The following MAGI2 variants were observed in gnomAD, a reference collection of about 807,000 sequenced individuals.
MAGI2 encodes the protein membrane associated guanylate kinase, WW and PDZ domain containing 2, also known as membrane-associated guanylate kinase, WW and PDZ domain-containing protein 2.
MAGI2 carries 35 observed loss-of-function variants against 133.3 expected under a neutral mutation model. That is an observed-to-expected ratio of 0.26 (90% CI 0.20 to 0.35). The LOEUF (loss-of-function observed/expected upper bound fraction) is 0.35. Ranked by LOEUF, MAGI2 falls within the 10% of genes least tolerant of loss-of-function variation. The pLI, the probability that MAGI2 is intolerant of heterozygous loss-of-function variation, is 1.00. For missense variants in MAGI2, 1,636 were observed against 1,863.4 expected (o/e 0.88, Z 2.25); for synonymous variants, 729 against 710.6 (o/e 1.03, Z -0.41).
intron 1 of MAGI2, among the ~76,000 whole-genome samples, chr7:79,262,691 T>C (rs1444580932): frequency 1.3e-5 from 2 of 152,214 alleles, no homozygotes; most frequent in Non-Finnish European, 2.9e-5. Flanking sequence ...AGGATATGAC[T>C]GACCTCACTG....
intron 1 of MAGI2, among the ~76,000 whole-genome samples, chr7:79,362,649 A>C (rs1842439100): frequency 6.6e-6 from 1 of 152,062 alleles, no homozygotes; most frequent in Non-Finnish European, 1.5e-5. Context: ...GGAATCAATT[A>C]AGGTAATCTA....
At chr7:79,447,968 CT>C (rs1295392357) in intron 1 of MAGI2, among the ~76,000 whole-genome samples, 1 of 151,806 alleles carries the variant, frequency 6.6e-6, no homozygotes, top group African/African-American at 2.4e-5. Context: ...ATGATACTTA[CT>C]CTTAACTACA....
At chr7:78,986,568 T>C (rs532386216) in intron 2 of MAGI2, among the ~76,000 whole-genome samples, 28 of 152,008 alleles carry the variant, frequency 1.8e-4, no homozygotes, top group Admixed American at 8.5e-4. Flanking sequence ...ATGAGCAAAG[T>C]AGAGGTGCAG....
chr7:78,925,301 C>T (rs1011665012), intron 2 of MAGI2, among the ~76,000 whole-genome samples: 3 of 151,944 alleles, frequency 2.0e-5, no homozygotes, highest in African/African-American at 4.8e-5. Context: ...TGATTTCTGC[C>T]TACCAGATAT....
At chr7:79,146,319 C>T (rs1822612916) in intron 1 of MAGI2, among the ~76,000 whole-genome samples, 1 of 152,146 alleles carries the variant, frequency 6.6e-6, no homozygotes, top group Admixed American at 6.5e-5. Context: ...TTGTTTGTCT[C>T]TTGCTGTTCT....
chr7:78,276,116 A>G (rs1397848794), intron 9 of MAGI2, among the ~76,000 whole-genome samples: 1 of 152,200 alleles, frequency 6.6e-6, no homozygotes, highest in Admixed American at 6.5e-5. Flanking sequence ...TAGTCAATGA[A>G]TAATATAAAA....
intron 4 of MAGI2, among the ~76,000 whole-genome samples, chr7:78,515,666 C>T (rs62468565): frequency 0.021 from 3,220 of 151,934 alleles, 57 homozygotes; most frequent in Middle Eastern, 0.065. Context: ...TTTGGGAGGC[C>T]GAGGCGGGTG....
intron 1 of MAGI2, among the ~76,000 whole-genome samples, chr7:79,310,756 A>C: frequency 6.6e-6 from 1 of 152,114 alleles, no homozygotes. Context: ...AAAATTTATC[A>C]CTATGAGCAA....
intron 2 of MAGI2, among the ~76,000 whole-genome samples, chr7:78,633,984 A>G (rs1455378133): frequency 6.6e-6 from 1 of 152,228 alleles, no homozygotes; most frequent in Non-Finnish European, 1.5e-5. Context: ...TAAGAAAACT[A>G]CAATTTCACA....
intron 1 of MAGI2, among the ~76,000 whole-genome samples, chr7:79,161,451 A>G (rs1824348068): frequency 6.6e-6 from 1 of 152,116 alleles, no homozygotes; most frequent in Admixed American, 6.6e-5. Flanking sequence ...TGGGGCATTT[A>G]CTGCCTTGTG....
chr7:78,973,924 G>A (rs1804009997), intron 2 of MAGI2, among the ~76,000 whole-genome samples: 2 of 151,684 alleles, frequency 1.3e-5, no homozygotes, highest in Non-Finnish European at 2.9e-5. Flanking sequence ...GGAGTGTGTT[G>A]CTGCGTTTGG....
intron 2 of MAGI2, among the ~76,000 whole-genome samples, chr7:78,701,431 T>A (rs1379303287): frequency 1.3e-5 from 2 of 151,966 alleles, no homozygotes; most frequent in Non-Finnish European, 2.9e-5. Flanking sequence ...TAAGGTAGAG[T>A]ACATGTGGGA....
At chr7:78,026,529 T>C (rs1422746454) in intron 21 of MAGI2, among the ~76,000 whole-genome samples, 1 of 152,222 alleles carries the variant, frequency 6.6e-6, no homozygotes, top group Non-Finnish European at 1.5e-5. Context: ...GAAAAATCTT[T>C]TAAGGATTGT....
At chr7:78,637,858 T>C (rs1372676905) in intron 2 of MAGI2, among the ~76,000 whole-genome samples, 1 of 152,158 alleles carries the variant, frequency 6.6e-6, no homozygotes, top group Non-Finnish European at 1.5e-5. Flanking sequence ...CCCAGCACTT[T>C]GGAAGGCTAA....
chr7:79,407,498 C>T (rs190675399), intron 1 of MAGI2, among the ~76,000 whole-genome samples: 27 of 152,234 alleles, frequency 1.8e-4, no homozygotes, highest in Admixed American at 7.9e-4. Context: ...AGCAGGATCA[C>T]CTGAACTTGT....
chr7:79,059,105 C>A (rs61061046), intron 1 of MAGI2, among the ~76,000 whole-genome samples: 1 of 151,898 alleles, frequency 6.6e-6, no homozygotes, highest in African/African-American at 2.4e-5. Context: ...ACTGCAATTA[C>A]TTTTGCACCA....
intron 2 of MAGI2, among the ~76,000 whole-genome samples, chr7:78,928,784 T>G (rs1052611445): frequency 3.3e-5 from 5 of 152,070 alleles, no homozygotes; most frequent in Non-Finnish European, 5.9e-5. Flanking sequence ...GCAATGGTCA[T>G]TATTTATATT....
chr7:78,709,760 A>G (rs1366408177), intron 2 of MAGI2, among the ~76,000 whole-genome samples: 1 of 152,152 alleles, frequency 6.6e-6, no homozygotes, highest in Non-Finnish European at 1.5e-5. Flanking sequence ...GTCCTCAGCT[A>G]TATCTCTTAG....
chr7:78,240,421 A>G (rs1791016936), intron 10 of MAGI2, among the ~76,000 whole-genome samples: 1 of 152,210 alleles, frequency 6.6e-6, no homozygotes, highest in African/African-American at 2.4e-5. Context: ...GGATAAAGAA[A>G]ATGTGTTATA....
Sources: allele counts gnomAD v4.1 joint callset (sites outside exome capture counted in the v4.1 genomes callset), GRCh38; gene constraint gnomAD v4.1.1; transcripts MANE v1.5; gene names NCBI Gene and HGNC (gene_info 2026-07-23, HGNC 2026-07-21).